Variants in ITPR2 observed in about 807,000 individuals in gnomAD.
The protein encoded by ITPR2 is inositol 1,4,5-trisphosphate-gated calcium channel ITPR2.
A neutral mutation model predicts 317.1 loss-of-function variants in ITPR2; 207 were observed. The ratio of observed to expected loss-of-function variants is 0.65; its 90% CI spans 0.58 to 0.73. ITPR2 has a LOEUF of 0.73. Among genes scored for constraint, ITPR2 ranks in the 30% least tolerant of loss-of-function variants. The probability of loss-of-function intolerance (pLI) is 0.00; values close to 1 mark genes in which losing one functional copy is unlikely to be tolerated. For synonymous variants in ITPR2, 1,156 were observed against 1,149.1 expected (o/e 1.01, Z -0.12); for missense variants, 2,613 against 3,284.0 (o/e 0.80, Z 4.99).
At chr12:26,622,909 T>C (rs1185863573) in intron 24 of ITPR2, among the ~76,000 whole-genome samples, 1 of 152,132 alleles carries the variant, frequency 6.6e-6, no homozygotes, top group Non-Finnish European at 1.5e-5. Flanking sequence ...GAACAAAAGG[T>C]CCATCTGTTT....
In ITPR2 at chr12:26,419,083, C is replaced by A. The variant is rs1013440436; in HGVS notation, c.7076G>T (p.Gly2359Val). Residue 2359 changes from glycine (G) to valine (V), a missense_variant, in exon 50 of 57, where the codon GGC (glycine) becomes GTC (valine). By Grantham distance (109) the Gly-to-Val change is moderately radical. Coordinates refer to ENST00000381340, the MANE Select transcript of ITPR2 (RefSeq NM_002223.4). Reference sequence around the variant, plus strand: ...ATAGAAGAATTCATGGACAAAAAGGCCCAGCATGCAAACCAGGACATACGC... The same window carrying A: ...ATAGAAGAATTCATGGACAAAAAGGACCAGCATGCAAACCAGGACATACGC... ...HVAYVLVCML[G>V]LFVHEFFYSF... 6.2e-7 allele frequency: 1 copy of A among 1,613,584 alleles called. No homozygotes were observed. The highest frequency in any genetic ancestry group is 1.3e-5 in the African/African-American group (1 of 74,994).
chr12:26,488,953 T>TTATATATATATA (rs946249592), intron 39 of ITPR2, among the ~76,000 whole-genome samples: 6 of 152,168 alleles, frequency 3.9e-5, no homozygotes, highest in African/African-American at 1.4e-4. Flanking sequence ...TTGCCCAACA[T>TTATATATATATA]TATATAACTA....
intron 37 of ITPR2, among the ~76,000 whole-genome samples, chr12:26,540,831 GCAACT>G (rs1348051910): frequency 1.3e-5 from 2 of 152,128 alleles, no homozygotes; most frequent in East Asian, 3.9e-4. Flanking sequence ...ATTTCTAAAA[GCAACT>G]GTTGCTTTTA....
intron 10 of ITPR2, among the ~76,000 whole-genome samples, chr12:26,693,295 G>A (rs1025289238): frequency 6.6e-6 from 1 of 151,944 alleles, no homozygotes; most frequent in Non-Finnish European, 1.5e-5. Flanking sequence ...TTGTTTTTTC[G>A]AATAAAAAGA....
In ITPR2 at chr12:26,606,576, T is replaced by C. The variant is rs1946133089; in HGVS notation, c.3463-3870A>G. Among the ~76,000 whole-genome samples the C allele has an allele frequency of 2.7e-5, 4 of 147,818 alleles. No individual in the cohort carries two copies. In the Admixed American group the frequency reaches 2.7e-4, roughly 10 times the overall value. On this transcript the variant is annotated intron_variant, in intron 26 of 56. Coordinates refer to ENST00000381340, the MANE Select transcript of ITPR2 (RefSeq NM_002223.4). ...TTTTTTTTGCATCAGGCAAGGAAAC[T>C]TTTACATCAATAGCAAAAATTATAT... is the stretch of plus-strand genomic sequence containing the variant.
intron 54 of ITPR2, among the ~76,000 whole-genome samples, chr12:26,389,493 T>C (rs1311586830): frequency 6.6e-6 from 1 of 152,076 alleles, no homozygotes; most frequent in Non-Finnish European, 1.5e-5. Context: ...CTTTGCTTTT[T>C]TTTTTTTTTG....
At position 26,640,773 on chromosome 12, in the gene ITPR2, T is replaced by A. The variant is rs1946966163; in HGVS notation, c.2741-8714A>T. Reference sequence around the variant, plus strand: ...AGGGTCTCTAAATATTTTTTGTGCTTCAAATGCATAAATGCTTTATAAGGC... The same window carrying A: ...AGGGTCTCTAAATATTTTTTGTGCTACAAATGCATAAATGCTTTATAAGGC... On this transcript the variant is annotated intron_variant, in intron 21 of 56. Coordinates refer to ENST00000381340, the MANE Select transcript of ITPR2 (RefSeq NM_002223.4). 2.0e-5 allele frequency among the ~76,000 whole-genome samples: 3 copies of A among 152,134 alleles called. No individual in the cohort carries two copies. The South Asian group carries it at 6.2e-4, about 32-fold the overall frequency.
chr12:26,486,636 G>A (rs1942676412), intron 40 of ITPR2, among the ~76,000 whole-genome samples: 2 of 152,130 alleles, frequency 1.3e-5, no homozygotes, highest in East Asian at 1.9e-4. Context: ...TCATATTCAA[G>A]GAGGTAAGAA....
chr12:26,487,641 A>C (rs1942702759), intron 39 of ITPR2, among the ~76,000 whole-genome samples: 1 of 152,202 alleles, frequency 6.6e-6, no homozygotes, highest in African/African-American at 2.4e-5. Context: ...CCCTCTGTTA[A>C]TAGGGATAGA....
intron 45 of ITPR2, among the ~76,000 whole-genome samples, chr12:26,470,489 A>G (rs1347655646): frequency 1.3e-5 from 2 of 152,256 alleles, no homozygotes; most frequent in African/African-American, 4.8e-5. Flanking sequence ...ACCTTATAAA[A>G]TAAGAGATAA....
At chr12:26,785,720 G>A (rs1289653703) in intron 2 of ITPR2, among the ~76,000 whole-genome samples, 1 of 28,222 alleles carries the variant, frequency 3.5e-5, no homozygotes, top group African/African-American at 1.0e-4. Flanking sequence ...TCAGTCCCCC[G>A]CCTGGCCAGC....
intron 52 of ITPR2, among the ~76,000 whole-genome samples, chr12:26,410,534 G>T (rs1940513448): frequency 6.6e-6 from 1 of 152,144 alleles, no homozygotes; most frequent in African/African-American, 2.4e-5. Context: ...CCTACACTAT[G>T]CTTAACTCTT....
intron 44 of ITPR2, among the ~76,000 whole-genome samples, chr12:26,476,176 C>T (rs1359399207): frequency 6.6e-6 from 1 of 152,186 alleles, no homozygotes; most frequent in African/African-American, 2.4e-5. Context: ...TCCTCAACTC[C>T]ATTCTTTACT....
In ITPR2 at chr12:26,494,112, A is replaced by G. The variant is rs1942875483; in HGVS notation, c.5370+41T>C. Reference sequence around the variant, plus strand: ...TTTCTGTGACAAGTAAACAAGAAATACCAATAATAAATGTAATCCCCATGA... The same window carrying G: ...TTTCTGTGACAAGTAAACAAGAAATGCCAATAATAAATGTAATCCCCATGA... On this transcript the variant is annotated intron_variant, in intron 39 of 56. Coordinates refer to ENST00000381340, the MANE Select transcript of ITPR2 (RefSeq NM_002223.4). The G allele has an allele frequency of 2.1e-6, 3 of 1,455,478 alleles. No homozygotes were observed. The Admixed American group carries it at 5.8e-5, about 28-fold the overall frequency. 90.2% of individuals were successfully genotyped at this position (1,455,478 alleles called of 1,614,324 possible). A position where few individuals can be genotyped will look rare whatever the true frequency, so the allele number is the denominator to read the frequency against.
chr12:26,668,627 TAGCCACCATACAGTATC>T (rs1947678838), intron 13 of ITPR2, among the ~76,000 whole-genome samples: 1 of 152,198 alleles, frequency 6.6e-6, no homozygotes, highest in African/African-American at 2.4e-5. Context: ...TTGAGGAAGA[TAGCCACCATACAGTATC>T]AGGAGGCTAC....
At position 26,503,938 on chromosome 12, in the gene ITPR2, C is replaced by A. The variant is rs151271557; in HGVS notation, c.5074-8678G>T. ...AGCTGACATCAATATCCAGCTCCAA[C>A]CTTCTATAATTTTTCAAGAGAAGGC... On this transcript the variant is annotated intron_variant, in intron 37 of 56. Coordinates refer to ENST00000381340, the MANE Select transcript of ITPR2 (RefSeq NM_002223.4). Among the ~76,000 whole-genome samples, 322 of 152,286 alleles carry A rather than the reference C, an allele frequency of 2.1e-3. 3 individuals carry two copies. The highest frequency in any genetic ancestry group is 7.3e-3 in the African/African-American group (304 of 41,568).
chr12:26,506,999 T>C (rs554736721), intron 37 of ITPR2, among the ~76,000 whole-genome samples: 1 of 152,388 alleles, frequency 6.6e-6, no homozygotes, highest in East Asian at 1.9e-4. Context: ...AATAAATCAT[T>C]TCATTTCTTT....
intron 26 of ITPR2, among the ~76,000 whole-genome samples, chr12:26,612,100 G>C (rs541627098): frequency 6.6e-6 from 1 of 152,104 alleles, no homozygotes; most frequent in Non-Finnish European, 1.5e-5. Context: ...GTATGGTAAT[G>C]GTATAATTTT....
chr12:26,430,860 G>C (rs1941186909), intron 48 of ITPR2, among the ~76,000 whole-genome samples: 1 of 152,094 alleles, frequency 6.6e-6, no homozygotes, highest in Admixed American at 6.5e-5. Flanking sequence ...AGAACATGCT[G>C]CTTCTTACTT....
Sources: gnomAD v4.1 joint callset for allele counts (sites outside exome capture counted in the v4.1 genomes callset) on GRCh38, gnomAD v4.1.1 for gene constraint, MANE v1.5 for transcripts, NCBI Gene and HGNC (gene_info 2026-07-23, HGNC 2026-07-21) for gene names.